The following LRMDA variants were observed in gnomAD, a reference collection of about 807,000 sequenced individuals.
LRMDA encodes leucine-rich melanocyte differentiation-associated protein.
LRMDA carries 18 observed loss-of-function variants against 29.8 expected under a neutral mutation model. The ratio of observed to expected loss-of-function variants is 0.60; its 90% CI spans 0.42 to 0.90. LRMDA has a LOEUF of 0.90. Among genes scored for constraint, LRMDA ranks in the 40% least tolerant of loss-of-function variants. LRMDA has a pLI of 0.00. For missense variants in LRMDA, 273 were observed against 273.9 expected (o/e 1.00, Z 0.02); for synonymous variants, 125 against 109.4 (o/e 1.14, Z -0.89).
At chr10:75,897,734 A>G (rs1169641762) in intron 2 of LRMDA, among the ~76,000 whole-genome samples, 1 of 151,030 alleles carries the variant, frequency 6.6e-6, no homozygotes, top group Non-Finnish European at 1.5e-5. Flanking sequence ...AAATACTCAT[A>G]TTCAAGGAAA....
chr10:76,411,796 C>T (rs930524867), intron 6 of LRMDA, among the ~76,000 whole-genome samples: 5 of 152,162 alleles, frequency 3.3e-5, no homozygotes, highest in African/African-American at 9.7e-5. Flanking sequence ...GAAGCTTTGC[C>T]GGGGCCTCCC....
chr10:76,228,075 G>A (rs1851993077), intron 5 of LRMDA, among the ~76,000 whole-genome samples: 1 of 150,634 alleles, frequency 6.6e-6, no homozygotes, highest in Non-Finnish European at 1.5e-5. Context: ...AGGCTGGAAT[G>A]CAGTGGTGTG....
intron 2 of LRMDA, among the ~76,000 whole-genome samples, chr10:75,691,152 A>G (rs10824333): frequency 0.035 from 2,197 of 62,522 alleles, 93 homozygotes; most frequent in African/African-American, 0.1. Flanking sequence ...ATATATCTAT[A>G]TACATAGATA....
chr10:75,461,993 A>C (rs886338588), intron 2 of LRMDA, among the ~76,000 whole-genome samples: 1 of 152,244 alleles, frequency 6.6e-6, no homozygotes, highest in African/African-American at 2.4e-5. Flanking sequence ...TGCAATGGCA[A>C]TCGTTTTGCA....
chr10:76,319,859 G>T (rs1246211365), intron 5 of LRMDA, among the ~76,000 whole-genome samples: 1 of 152,156 alleles, frequency 6.6e-6, no homozygotes, highest in African/African-American at 2.4e-5. Context: ...GGAATGAGTT[G>T]TAGAGCTGTG....
chr10:75,848,348 G>A (rs1037947430), intron 2 of LRMDA, among the ~76,000 whole-genome samples: 4 of 152,216 alleles, frequency 2.6e-5, no homozygotes, highest in African/African-American at 9.6e-5. Context: ...AACTAAAGTA[G>A]TCAAAATCAT....
At chr10:76,254,300 T>TACCATACCATACCATACCATACC (rs1852541192) in intron 5 of LRMDA, among the ~76,000 whole-genome samples, 3 of 90,540 alleles carry the variant, frequency 3.3e-5, no homozygotes, top group Non-Finnish European at 4.6e-5. Flanking sequence ...TATACTATAC[T>TACCATACCATACCATACCATACC]ATACCATACC....
At chr10:75,773,722 C>A (rs1460901585) in intron 2 of LRMDA, among the ~76,000 whole-genome samples, 4 of 152,186 alleles carry the variant, frequency 2.6e-5, no homozygotes, top group African/African-American at 9.7e-5. Context: ...TCAGTTCCCT[C>A]TGGCCTTCTT....
intron 2 of LRMDA, among the ~76,000 whole-genome samples, chr10:75,850,385 G>A (rs1471606061): frequency 2.0e-5 from 3 of 152,136 alleles, no homozygotes; most frequent in Admixed American, 1.3e-4. Context: ...TATGCTGGAG[G>A]TGCCCCAACA....
chr10:76,238,091 AAG>A (rs1852190527), intron 5 of LRMDA, among the ~76,000 whole-genome samples: 1 of 152,024 alleles, frequency 6.6e-6, no homozygotes, highest in Non-Finnish European at 1.5e-5. Context: ...GCACCTGGCT[AAG>A]AGTGCATATT....
At chr10:76,198,696 G>A (rs1020609052) in intron 5 of LRMDA, among the ~76,000 whole-genome samples, 2 of 152,174 alleles carry the variant, frequency 1.3e-5, no homozygotes, top group Non-Finnish European at 2.9e-5. Flanking sequence ...TCACAGACTT[G>A]GAGGAATGAA....
At chr10:75,892,640 TAGC>T (rs1174652747) in intron 2 of LRMDA, among the ~76,000 whole-genome samples, 6 of 152,168 alleles carry the variant, frequency 3.9e-5, no homozygotes, top group Non-Finnish European at 4.4e-5. Flanking sequence ...AGGATGGTAA[TAGC>T]AGCCGATAAT....
chr10:75,473,053 A>G (rs756650984), intron 2 of LRMDA, among the ~76,000 whole-genome samples: 6 of 152,236 alleles, frequency 3.9e-5, no homozygotes, highest in Non-Finnish European at 8.8e-5. Context: ...CAACAGTTCT[A>G]GAGGTTTGCA....
At chr10:75,879,056 TC>T (rs2132341201) in intron 2 of LRMDA, among the ~76,000 whole-genome samples, 1 of 152,300 alleles carries the variant, frequency 6.6e-6, no homozygotes, top group South Asian at 2.1e-4. Flanking sequence ...ACACATCTGT[TC>T]CCCAGGTGAC....
At chr10:76,224,115 T>C (rs1851903984) in intron 5 of LRMDA, among the ~76,000 whole-genome samples, 1 of 152,148 alleles carries the variant, frequency 6.6e-6, no homozygotes, top group Non-Finnish European at 1.5e-5. Context: ...TAGGACATTA[T>C]AATTTTCTAA....
chr10:76,531,369 C>G (rs1176959252), intron 6 of LRMDA, among the ~76,000 whole-genome samples: 2 of 152,162 alleles, frequency 1.3e-5, no homozygotes, highest in Non-Finnish European at 2.9e-5. Flanking sequence ...CATCTTTTTT[C>G]TAGTGGAGGA....
chr10:75,478,094 G>A (rs1222522081), intron 2 of LRMDA, among the ~76,000 whole-genome samples: 1 of 152,200 alleles, frequency 6.6e-6, no homozygotes, highest in Non-Finnish European at 1.5e-5. Flanking sequence ...TGCTCTGAAG[G>A]ACCACAGGCC....
intron 2 of LRMDA, among the ~76,000 whole-genome samples, chr10:75,646,720 T>G (rs1841526421): frequency 6.6e-6 from 1 of 152,196 alleles, no homozygotes; most frequent in Non-Finnish European, 1.5e-5. Context: ...TTCGTTACAT[T>G]GATGGCGTGG....
chr10:76,129,218 C>T (rs752439655), intron 5 of LRMDA, among the ~76,000 whole-genome samples: 1 of 152,152 alleles, frequency 6.6e-6, no homozygotes, highest in African/African-American at 2.4e-5. Context: ...TGTCACTCAT[C>T]TGTGGGCTGA....
Sources: gnomAD v4.1 joint callset for allele counts (sites outside exome capture counted in the v4.1 genomes callset) on GRCh38, gnomAD v4.1.1 for gene constraint, MANE v1.5 for transcripts, NCBI Gene and HGNC (gene_info 2026-07-23, HGNC 2026-07-21) for gene names.